TNS3: variants seen among roughly 807,000 people sequenced by gnomAD.
TNS3 encodes the protein tensin-3.
In TNS3, 45 loss-of-function variants were observed where a neutral mutation model predicts 140.9. The ratio of observed to expected loss-of-function variants is 0.32; its 90% CI spans 0.25 to 0.41. The LOEUF (loss-of-function observed/expected upper bound fraction) is 0.41, where lower values mean the gene tolerates loss of function less well. TNS3 is among the 10% of genes least tolerant of loss of function. The pLI is 1.00. For synonymous variants in TNS3, 815 were observed against 788.4 expected (o/e 1.03, Z -0.56); for missense variants, 1,716 against 1,906.7 (o/e 0.90, Z 1.86).
chr7:47,299,906 G>A (rs1246270672), intron 23 of TNS3, among the ~76,000 whole-genome samples: 6 of 152,186 alleles, frequency 3.9e-5, no homozygotes, highest in Non-Finnish European at 7.3e-5. Flanking sequence ...GAGTCTCCTC[G>A]CACCTTCTCA....
intron 20 of TNS3, among the ~76,000 whole-genome samples, chr7:47,340,236 C>T (rs1384427053): frequency 1.4e-5 from 2 of 146,506 alleles, no homozygotes; most frequent in East Asian, 4.2e-4. Flanking sequence ...GATTCTCCTG[C>T]CTCAGCCTCC....
chr7:47,461,177 A>G (rs1288398497), intron 4 of TNS3, among the ~76,000 whole-genome samples: 1 of 152,194 alleles, frequency 6.6e-6, no homozygotes, highest in Non-Finnish European at 1.5e-5. Flanking sequence ...TAAGTGTTGT[A>G]TGTCAAGAAA....
chr7:47,439,730 T>G, intron 5 of TNS3, 72 bp from the exon 6 acceptor site: 1 of 1,522,402 alleles, frequency 6.6e-7, no homozygotes, highest in Non-Finnish European at 8.9e-7. Flanking sequence ...AGGAAAAAGG[T>G]GAAGACGACG....
In TNS3 at chr7:47,429,654, C is replaced by T. The variant is rs140042094; in HGVS notation, c.325-1278G>A. Among the ~76,000 whole-genome samples, 636 of 152,296 alleles carry T rather than the reference C, an allele frequency of 4.2e-3. 5 individuals are homozygous for T. The highest frequency in any genetic ancestry group is 0.024 in the South Asian group (117 of 4,818). ...AGTGCTGGGACTATGGGACTACAGG[C>T]GTGAGCCACCGCACCCGGCCTAATC... On this transcript the variant is annotated intron_variant, in intron 8 of 30. Coordinates refer to ENST00000311160, the MANE Select transcript of TNS3 (RefSeq NM_022748.12).
At chr7:47,468,076 G>A (rs1018809157) in intron 4 of TNS3, among the ~76,000 whole-genome samples, 10 of 152,082 alleles carry the variant, frequency 6.6e-5, no homozygotes, top group Admixed American at 4.6e-4. Flanking sequence ...TTGAGAGCCT[G>A]AGGCAGGCAG....
upstream of TNS3, chr7:47,582,302 A>C (rs982427835): frequency 2.6e-6 from 1 of 387,166 alleles, no homozygotes; most frequent in Admixed American, 3.0e-5. Context: ...CGCCCTGCCG[A>C]GGTGCGCCCT....
At chr7:47,401,030 G>T in intron 13 of TNS3, 116 bp from the exon 14 acceptor site, 1 of 1,447,856 alleles carries the variant, frequency 6.9e-7, no homozygotes, top group Non-Finnish European at 9.3e-7. Context: ...GACTCTGGCT[G>T]GGAGTTCACG....
intron 3 of TNS3, among the ~76,000 whole-genome samples, chr7:47,494,526 A>G (rs990167753): frequency 1.3e-5 from 2 of 152,222 alleles, no homozygotes; most frequent in Non-Finnish European, 2.9e-5. Context: ...TTGTTATTCT[A>G]AAGACCTTCT....
chr7:47,530,873 A>AT (rs904976082), intron 1 of TNS3, among the ~76,000 whole-genome samples: 2 of 136,002 alleles, frequency 1.5e-5, no homozygotes, highest in Non-Finnish European at 3.2e-5. Context: ...AGCACAAGAA[A>AT]TGTGACAGGA....
intron 4 of TNS3, among the ~76,000 whole-genome samples, chr7:47,477,192 C>T (rs1402312134): frequency 6.6e-6 from 1 of 152,164 alleles, no homozygotes; most frequent in Non-Finnish European, 1.5e-5. Flanking sequence ...CTTCTTTCTG[C>T]CCTACCAGGG....
chr7:47,284,752 G>C (rs968072957), intron 27 of TNS3, among the ~76,000 whole-genome samples: 2 of 152,208 alleles, frequency 1.3e-5, no homozygotes, highest in African/African-American at 2.4e-5. Flanking sequence ...TGAGCATGTG[G>C]GTGTCTTAAT....
intron 1 of TNS3, among the ~76,000 whole-genome samples, chr7:47,574,659 ACG>A (rs1800636008): frequency 6.6e-6 from 1 of 151,942 alleles, no homozygotes; most frequent in South Asian, 2.1e-4. Context: ...CCCCACACAC[ACG>A]GTATTATTCA....
chr7:47,535,262 A>T (rs1799559755), intron 1 of TNS3, among the ~76,000 whole-genome samples: 1 of 152,162 alleles, frequency 6.6e-6, no homozygotes, highest in Admixed American at 6.5e-5. Context: ...ATTCCTCACA[A>T]ATACCTTTAT....
At chr7:47,314,282 G>A (rs1305474181) in intron 20 of TNS3, among the ~76,000 whole-genome samples, 2 of 152,188 alleles carry the variant, frequency 1.3e-5, no homozygotes, top group Non-Finnish European at 2.9e-5. Context: ...CCCTGCAGGC[G>A]CTGTGCTTGG....
At chr7:47,319,947 T>C (rs2150834696) in intron 20 of TNS3, among the ~76,000 whole-genome samples, 1 of 152,276 alleles carries the variant, frequency 6.6e-6, no homozygotes, top group South Asian at 2.1e-4. Flanking sequence ...CTGTGAGCAA[T>C]GAGGAATGCA....
At chr7:47,483,069 C>T (rs964198895) in intron 3 of TNS3, among the ~76,000 whole-genome samples, 1 of 152,108 alleles carries the variant, frequency 6.6e-6, no homozygotes. Context: ...AAACCGAGGG[C>T]TCTGGTTACT....
chr7:47,443,778 CT>C (rs1475628522), intron 4 of TNS3, among the ~76,000 whole-genome samples: 1 of 151,986 alleles, frequency 6.6e-6, no homozygotes, highest in Non-Finnish European at 1.5e-5. Context: ...AAAAATTAGC[CT>C]GCGTGGTGGC....
intron 23 of TNS3, among the ~76,000 whole-genome samples, chr7:47,300,380 C>T (rs1786325082): frequency 6.6e-6 from 1 of 152,210 alleles, no homozygotes; most frequent in African/African-American, 2.4e-5. Context: ...AGCAAACCTT[C>T]TACAATGTGT....
At chr7:47,396,973 A>G in intron 15 of TNS3, 69 bp from the exon 16 acceptor site, 1 of 1,158,618 alleles carries the variant, frequency 8.6e-7, no homozygotes. Flanking sequence ...CGACTCCACC[A>G]TAAGGACAGG....
Sources: allele counts gnomAD v4.1 joint callset (sites outside exome capture counted in the v4.1 genomes callset), GRCh38; gene constraint gnomAD v4.1.1; transcripts MANE v1.5; gene names NCBI Gene and HGNC (gene_info 2026-07-23, HGNC 2026-07-21).